The following ZNF532 variants were observed in gnomAD, a reference collection of about 807,000 sequenced individuals.
ZNF532 encodes the protein zinc finger protein 532.
ZNF532 carries 22 observed loss-of-function variants against 89.3 expected under a neutral mutation model. The observed-to-expected ratio is 0.25, with a 90% CI of 0.18 to 0.35. The LOEUF (loss-of-function observed/expected upper bound fraction) is 0.35. Ranked by LOEUF, ZNF532 falls within the 10% of genes least tolerant of loss-of-function variation. ZNF532 has a pLI of 1.00. For missense variants in ZNF532, 1,132 were observed against 1,643.4 expected (o/e 0.69, Z 5.38); for synonymous variants, 606 against 649.6 (o/e 0.93, Z 1.02).
At chr18:58,953,321 G>A (rs1387682699) in intron 6 of ZNF532, 197 bp from the exon 7 acceptor site, 1 of 507,590 alleles carries the variant, frequency 2.0e-6, no homozygotes, top group Non-Finnish European at 3.4e-6. Context: ...TTTGGAAAGA[G>A]AAATGCATAA....
intron 2 of ZNF532, among the ~76,000 whole-genome samples, chr18:58,870,936 T>C (rs1426678127): frequency 2.0e-5 from 3 of 152,100 alleles, no homozygotes; most frequent in African/African-American, 7.2e-5. Context: ...TGCCTCTGGC[T>C]CTGTGAGTCT....
chr18:58,872,659 G>T (rs1286518981), intron 2 of ZNF532, among the ~76,000 whole-genome samples: 1 of 151,080 alleles, frequency 6.6e-6, no homozygotes, highest in Non-Finnish European at 1.5e-5. Context: ...GCCCAAGACC[G>T]CATTCATCAT....
At chr18:58,935,937 C>A (rs2062433592) in intron 4 of ZNF532, among the ~76,000 whole-genome samples, 2 of 152,000 alleles carry the variant, frequency 1.3e-5, no homozygotes, top group South Asian at 4.1e-4. Flanking sequence ...GTTCTGGTAT[C>A]ATCAGTTCCT....
intron 4 of ZNF532, among the ~76,000 whole-genome samples, 198 bp downstream of exon 4, chr18:58,934,812 A>G (rs1395632084): frequency 6.6e-6 from 1 of 152,010 alleles, no homozygotes; most frequent in Non-Finnish European, 1.5e-5. Context: ...GGTCCGCACA[A>G]AGTGGAGGGT....
chr18:58,963,821 CAAAAA>C (rs58734985), intron 7 of ZNF532, among the ~76,000 whole-genome samples: 1 of 82,740 alleles, frequency 1.2e-5, no homozygotes. Context: ...GACCCTGTCT[CAAAAA>C]AAAAAAAAAA....
At chr18:58,877,656 C>G (rs1361427262) in intron 2 of ZNF532, among the ~76,000 whole-genome samples, 1 of 152,178 alleles carries the variant, frequency 6.6e-6, no homozygotes, top group African/African-American at 2.4e-5. Context: ...TAATCGTTGG[C>G]TAAGTCTGTC....
At chr18:58,904,319 GC>G (rs530670089) in intron 2 of ZNF532, among the ~76,000 whole-genome samples, 122 of 151,388 alleles carry the variant, frequency 8.1e-4, no homozygotes, top group African/African-American at 2.8e-3. Flanking sequence ...GCCACTGCAT[GC>G]CAGCCTAGGC....
Position 58,984,396 on chromosome 18 carries a change from T to C in ZNF532, c.3836T>C (p.Leu1279Ser). 1.2e-6 allele frequency: 2 copies of C among 1,611,974 alleles called. No individual in the cohort carries two copies. Among genetic ancestry groups the C allele is most frequent in the Non-Finnish European group, 1.7e-6 (2 of 1,179,840 alleles). Reference protein sequence around the residue: ...CAKTFETEAALNTHMRTHGMA... With the variant: ...CAKTFETEAASNTHMRTHGMA... ...AAAACTTTTGAAACTGAAGCTGCCT[T>C]AAATACTCACATGCGGACACACGGC... Residue 1279 changes from leucine to serine, a missense_variant, in exon 10 of 10, where the codon TTA becomes TCA. Leu to Ser is a moderately radical substitution (Grantham distance 145). Coordinates refer to ENST00000591808, the MANE Select transcript of ZNF532 (RefSeq NM_001375912.1).
At chr18:58,956,945 A>G (rs2064841588) in intron 7 of ZNF532, among the ~76,000 whole-genome samples, 1 of 152,210 alleles carries the variant, frequency 6.6e-6, no homozygotes, top group South Asian at 2.1e-4. Context: ...TGTACAGTAT[A>G]TATACAGATA....
chr18:58,908,923 A>G (rs1300025006), intron 2 of ZNF532, among the ~76,000 whole-genome samples: 2 of 152,164 alleles, frequency 1.3e-5, no homozygotes, highest in East Asian at 1.9e-4. Context: ...CAGAACTAGT[A>G]TCTGTGTTTT....
chr18:58,963,604 TGTGTGTGTGTGTGTG>T (rs1304113418), intron 7 of ZNF532, among the ~76,000 whole-genome samples: 9 of 6,140 alleles, frequency 1.5e-3, no homozygotes, highest in African/African-American at 2.8e-3. Flanking sequence ...AAGAAAAAAA[TGTGTGTGTGTGTGTG>T]TGTGTGTGTG....
intron 2 of ZNF532, among the ~76,000 whole-genome samples, chr18:58,895,507 T>G: frequency 6.6e-6 from 1 of 152,228 alleles, no homozygotes; most frequent in East Asian, 1.9e-4. Flanking sequence ...CATTTGACCC[T>G]AAGATCTCCT....
chr18:58,901,348 A>G (rs2059589365), intron 2 of ZNF532, among the ~76,000 whole-genome samples: 1 of 152,166 alleles, frequency 6.6e-6, no homozygotes, highest in Admixed American at 6.5e-5. Flanking sequence ...TCAGCCTTCC[A>G]AAGTGGGATT....
In ZNF532 at chr18:58,986,468, G is replaced by A. The variant is rs1168309645; in HGVS notation, c.*2002G>A. The stretch of plus-strand genomic sequence containing the variant: ...CATTTATTCAACAAATAAAAAGTAT[G>A]TACAAAACATGATACAGAATTTTTG... On this transcript the variant is annotated 3_prime_UTR_variant, in exon 10 of 10. Transcript: ENST00000591808. 2.0e-5 allele frequency: 3 copies of A among 152,648 alleles called. No homozygotes were observed. Among genetic ancestry groups the A allele is most frequent in the Non-Finnish European group, 4.4e-5 (3 of 68,040 alleles). The allele number at this position is 152,648 out of a possible 1,614,324, so 9.5% of individuals were successfully genotyped here.
chr18:58,918,862 C>T lies in ZNF532; in HGVS notation c.575C>T (p.Ser192Leu). 2.5e-6 allele frequency: 4 copies of T among 1,614,168 alleles called. No individual in the cohort carries two copies. Among genetic ancestry groups the T allele is most frequent in the Non-Finnish European group, 3.4e-6 (4 of 1,180,042 alleles). Reference protein sequence around the residue: ...ENSSKTGLSTSGNVEKNKAVK... With the variant: ...ENSSKTGLSTLGNVEKNKAVK... Reference sequence around the variant, plus strand: ...TCCAGCAAAACTGGACTCTCTACGTCAGGCAATGTGGAGAAAAACAAAGCT... The same window carrying T: ...TCCAGCAAAACTGGACTCTCTACGTTAGGCAATGTGGAGAAAAACAAAGCT... The change falls in exon 3 of 10, where the codon TCA (serine) becomes TTA (leucine). Residue 192 changes from serine (S) to leucine (L), a missense_variant. Coordinates refer to ENST00000591808, the MANE Select transcript of ZNF532 (RefSeq NM_001375912.1).
intron 7 of ZNF532, among the ~76,000 whole-genome samples, chr18:58,973,940 C>T (rs1055567473): frequency 2.6e-5 from 4 of 152,102 alleles, no homozygotes; most frequent in Non-Finnish European, 5.9e-5. Context: ...GAAAGCAAAA[C>T]CAGAGATAGA....
chr18:58,919,352 A>G lies in ZNF532; in HGVS notation c.1065A>G (p.Thr355=), dbSNP rs748282319. 1.9e-6 allele frequency: 3 copies of G among 1,614,180 alleles called. No individual in the cohort carries two copies. The highest frequency in any genetic ancestry group is 2.2e-5 in the South Asian group (2 of 91,082). Residue 355 remains threonine, a synonymous_variant, in exon 3 of 10, where the codon ACA becomes ACG. Transcript: ENST00000591808. The surrounding 1 kb of genome is among the most constrained non-coding windows in gnomAD (Gnocchi z 6.1). ...KGSPSSPAGS[T]PAIPKVRIKT... is the part of the protein sequence containing the mutation. ...CCCCGTCCTCTCCCGCAGGGTCCAC[A>G]CCAGCAATCCCCAAAGTCCGCATAA...
intron 2 of ZNF532, among the ~76,000 whole-genome samples, chr18:58,891,981 C>T (rs1453808421): frequency 5.3e-5 from 8 of 152,188 alleles, no homozygotes; most frequent in African/African-American, 1.9e-4. Context: ...CCCACTCACC[C>T]ATAAGCAAGG....
chr18:58,874,931 T>C (rs966015235), intron 2 of ZNF532, among the ~76,000 whole-genome samples: 4 of 152,162 alleles, frequency 2.6e-5, no homozygotes, highest in African/African-American at 9.7e-5. Context: ...CTATGAATAA[T>C]TATTTTATTT....
Sources: gnomAD v4.1 joint callset for allele counts (sites outside exome capture counted in the v4.1 genomes callset) on GRCh38, gnomAD v4.1.1 for gene constraint, Gnocchi (gnomAD v3.1) non-coding constraint, MANE v1.5 for transcripts, NCBI Gene and HGNC (gene_info 2026-07-23, HGNC 2026-07-21) for gene names.